The following MAP3K13 variants were observed in gnomAD, a reference collection of about 807,000 sequenced individuals.
MAP3K13 encodes mitogen-activated protein kinase kinase kinase 13.
MAP3K13 carries 52 observed loss-of-function variants against 104.0 expected under a neutral mutation model. That is an observed-to-expected ratio of 0.50 (90% CI 0.40 to 0.63). The LOEUF is 0.63. Ranked by LOEUF, MAP3K13 falls within the 20% of genes least tolerant of loss-of-function variation. The pLI is 0.00. For synonymous variants in MAP3K13, 394 were observed against 442.2 expected (o/e 0.89, Z 1.37); for missense variants, 914 against 1,218.5 (o/e 0.75, Z 3.72).
intron 2 of MAP3K13, among the ~76,000 whole-genome samples, chr3:185,352,121 A>G (rs909145303): frequency 6.6e-6 from 1 of 152,162 alleles, no homozygotes; most frequent in African/African-American, 2.4e-5. Context: ...TATTTAGCAG[A>G]GTGGCCACGT....
chr3:185,344,705 G>A (rs141739514), intron 2 of MAP3K13, among the ~76,000 whole-genome samples: 2 of 152,210 alleles, frequency 1.3e-5, no homozygotes, highest in East Asian at 3.9e-4. Flanking sequence ...CCTCAGTTAG[G>A]CCCTCATGGC....
rs1718716106 is a variant in MAP3K13, at chr3:185,486,334, T to C, written c.*3878T>C. 1 of 152,220 alleles carries C rather than the reference T, an allele frequency of 6.6e-6. No homozygotes were observed. Among genetic ancestry groups the C allele is most frequent in the Non-Finnish European group, 1.5e-5 (1 of 68,048 alleles). 9.4% of individuals were successfully genotyped at this position (152,220 alleles called of 1,614,324 possible). The stretch of plus-strand genomic sequence containing the variant: ...AGTCATTCATTGTATAGTCGAGAGT[T>C]GAATAAAGTCCATATTGAACACATT... On this transcript the variant is annotated 3_prime_UTR_variant, in exon 14 of 14. Transcript: ENST00000265026.
At chr3:185,290,426 A>G (rs909845983) in intron 2 of MAP3K13, among the ~76,000 whole-genome samples, 2 of 152,208 alleles carry the variant, frequency 1.3e-5, no homozygotes, top group African/African-American at 4.8e-5. Flanking sequence ...AATGGATTCT[A>G]TATTACTCCT....
chr3:185,306,934 A>G (rs1322244836), intron 2 of MAP3K13, among the ~76,000 whole-genome samples: 1 of 152,146 alleles, frequency 6.6e-6, no homozygotes, highest in African/African-American at 2.4e-5. Context: ...AAACTCCTTC[A>G]GTTTTGAAGG....
chr3:185,292,379 C>T (rs932364168), intron 2 of MAP3K13: 1 of 152,016 alleles, frequency 6.6e-6, no homozygotes, highest in Non-Finnish European at 1.5e-5. Flanking sequence ...TTACATTATA[C>T]TCTCAGAAGC....
rs1455460294 is a variant in MAP3K13, at chr3:185,454,206, A to T, written c.1278+2811A>T. Among the ~76,000 whole-genome samples the T allele has an allele frequency of 1.7e-4, 5 of 28,598 alleles. 1 individual carries two copies. Among genetic ancestry groups the T allele is most frequent in the Admixed American group, 5.5e-4 (1 of 1,828 alleles). The allele number at this position is 28,598 out of a possible 152,430, so 18.8% of individuals were successfully genotyped here. A position where few individuals can be genotyped will look rare whatever the true frequency, so the allele number is the denominator to read the frequency against. On this transcript the variant is annotated intron_variant, in intron 7 of 13. Transcript: ENST00000265026. ...TATATATGAGATATATATATGATAC[A>T]TATATATGAGATATATATATGATAC...
intron 2 of MAP3K13, among the ~76,000 whole-genome samples, chr3:185,319,169 C>T (rs1259172437): frequency 3.3e-5 from 5 of 151,988 alleles, no homozygotes; most frequent in Admixed American, 6.6e-5. Flanking sequence ...TCCATGTCAA[C>T]GCTTATAGCA....
intron 1 of MAP3K13, among the ~76,000 whole-genome samples, chr3:185,425,627 T>C (rs1465934260): frequency 6.6e-6 from 1 of 152,210 alleles, no homozygotes; most frequent in Non-Finnish European, 1.5e-5. Flanking sequence ...TAAAATTCCT[T>C]AATGGCTCTC....
chr3:185,448,602 G>A lies in MAP3K13; in HGVS notation c.1010+655G>A, dbSNP rs763131898. On this transcript the variant is annotated intron_variant, in intron 5 of 13. Transcript: ENST00000265026. The stretch of plus-strand genomic sequence containing the variant: ...CATGTCAAAATTGCATGTAATACCA[G>A]AGCAAATAGGAAAAAGTAGAAATGT... 2.2e-4 allele frequency among the ~76,000 whole-genome samples: 34 copies of A among 152,278 alleles called. 1 individual carries two copies. The Middle Eastern group carries it at 0.017, about 77-fold the overall frequency.
chr3:185,472,279 C>A (rs1717847917), intron 10 of MAP3K13, among the ~76,000 whole-genome samples: 1 of 143,562 alleles, frequency 7.0e-6, no homozygotes, highest in African/African-American at 2.6e-5. Flanking sequence ...GTGGCACCAT[C>A]TCGGCTCACT....
intron 1 of MAP3K13, among the ~76,000 whole-genome samples, chr3:185,379,363 A>T (rs1268875926): frequency 6.6e-6 from 1 of 152,176 alleles, no homozygotes; most frequent in Admixed American, 6.5e-5. Context: ...AATTAAGAGA[A>T]GGGAGAGATT....
In MAP3K13 at chr3:185,337,508, C is replaced by T. The variant is rs189710986; in HGVS notation, c.-86+51865C>T. Among the ~76,000 whole-genome samples the T allele has an allele frequency of 3.9e-5, 6 of 152,270 alleles. No individual in the cohort carries two copies. In the South Asian group the frequency reaches 8.3e-4, roughly 21 times the overall value. ...TAGGCAAATAAGTGGAGGCAGAATG[C>T]CAACGCAGATGATAATGAAAAGAAT... is the stretch of plus-strand genomic sequence containing the variant. On this transcript the variant is annotated intron_variant, in intron 2 of 14. Transcript: ENST00000424227.
chr3:185,354,608 TG>T (rs67380961), intron 2 of MAP3K13, among the ~76,000 whole-genome samples: 107,170 of 146,394 alleles, frequency 0.73, 40,215 homozygotes, highest in Non-Finnish European at 0.83. Context: ...GTTATAAGTA[TG>T]GGGGGGGGGC....
chr3:185,430,342 C>T (rs912104790), intron 2 of MAP3K13, among the ~76,000 whole-genome samples: 6 of 151,994 alleles, frequency 3.9e-5, no homozygotes, highest in South Asian at 2.1e-4. Context: ...TTCAGGGGTA[C>T]GTGCGCAGGT....
chr3:185,421,671 A>T (rs1714140679), intron 1 of MAP3K13, among the ~76,000 whole-genome samples: 1 of 152,174 alleles, frequency 6.6e-6, no homozygotes, highest in Admixed American at 6.5e-5. Context: ...AGGACCAAAC[A>T]ATCAGTTCCC....
chr3:185,301,046 C>T (rs1721086188), intron 2 of MAP3K13, among the ~76,000 whole-genome samples: 1 of 152,102 alleles, frequency 6.6e-6, no homozygotes, highest in Admixed American at 6.5e-5. Flanking sequence ...AGCAGCTGCA[C>T]TATTTTACAT....
intron 7 of MAP3K13, among the ~76,000 whole-genome samples, chr3:185,457,881 G>A (rs1716858296): frequency 6.6e-6 from 1 of 152,146 alleles, no homozygotes; most frequent in South Asian, 2.1e-4. Context: ...GAGACCTTTA[G>A]TCTAAACTCC....
At chr3:185,357,708 C>T (rs1723427085) in intron 2 of MAP3K13, among the ~76,000 whole-genome samples, 1 of 152,036 alleles carries the variant, frequency 6.6e-6, no homozygotes, top group African/African-American at 2.4e-5. Context: ...TTTTGATTTG[C>T]TTCAGTACAT....
In MAP3K13 at chr3:185,463,367, G is replaced by A. The variant is rs528085438; in HGVS notation, c.1279-183G>A. On this transcript the variant is annotated intron_variant, in intron 7 of 13. Transcript: ENST00000265026. Reference sequence around the variant, plus strand: ...AGTAGAAATATAGAAGTGGGCTGGGGCGTGGAGATATAGTAGCAGGAGATA... The same window carrying A: ...AGTAGAAATATAGAAGTGGGCTGGGACGTGGAGATATAGTAGCAGGAGATA... Among the ~76,000 whole-genome samples, 14 of 152,288 alleles carry A rather than the reference G, an allele frequency of 9.2e-5. No homozygotes were observed. The South Asian group carries it at 2.9e-3, about 32-fold the overall frequency.
Sources: allele counts gnomAD v4.1 joint callset (sites outside exome capture counted in the v4.1 genomes callset), GRCh38; gene constraint gnomAD v4.1.1; transcripts MANE v1.5; gene names NCBI Gene and HGNC (gene_info 2026-07-23, HGNC 2026-07-21).